Variants in ECHDC3 observed in about 807,000 individuals in gnomAD.
ECHDC3 encodes enoyl-CoA hydratase domain-containing protein 3, mitochondrial.
A neutral mutation model predicts 17.9 loss-of-function variants in ECHDC3; 20 were observed. The ratio of observed to expected loss-of-function variants is 1.12; its 90% CI spans 0.79 to 1.63. ECHDC3 has a LOEUF of 1.63. Ranked by LOEUF, ECHDC3 falls within the 40% of genes most tolerant of loss-of-function variation. ECHDC3 has a pLI of 0.00. For missense variants in ECHDC3, 407 were observed against 357.7 expected (o/e 1.14, Z -1.11); for synonymous variants, 177 against 149.7 (o/e 1.18, Z -1.33).
At chr10:11,757,792 G>A (rs1223590595) in intron 4 of ECHDC3, among the ~76,000 whole-genome samples, 1 of 152,202 alleles carries the variant, frequency 6.6e-6, no homozygotes, top group African/African-American at 2.4e-5. Flanking sequence ...CAGGCTTTTG[G>A]AACTTAATGC....
intron 3 of ECHDC3, among the ~76,000 whole-genome samples, chr10:11,753,639 G>C (rs1832852987): frequency 1.3e-5 from 2 of 152,100 alleles, no homozygotes; most frequent in African/African-American, 4.8e-5. Flanking sequence ...TCTTCCCCTT[G>C]TTATTCATTC....
chr10:11,760,842 C>G lies in ECHDC3; in HGVS notation c.592-2382C>G, dbSNP rs1832942034. 2.0e-5 allele frequency among the ~76,000 whole-genome samples: 3 copies of G among 152,344 alleles called. No homozygotes were observed. In the South Asian group the frequency reaches 6.2e-4, roughly 32 times the overall value. ...GGTCCTATTTCACAGCTGTTCACAA[C>G]AGGATCCGCTTTTTAGCTCCTGGTT... is the stretch of plus-strand genomic sequence containing the variant. On this transcript the variant is annotated intron_variant, in intron 4 of 4. Transcript: ENST00000379215.
At chr10:11,759,684 C>T (rs928087282) in intron 4 of ECHDC3, among the ~76,000 whole-genome samples, 1 of 152,146 alleles carries the variant, frequency 6.6e-6, no homozygotes, top group African/African-American at 2.4e-5. Context: ...TTTGGGTGGC[C>T]TATGAGATCC....
At chr10:11,751,035 T>TGG (rs1427860332) in intron 3 of ECHDC3, among the ~76,000 whole-genome samples, 2 of 152,226 alleles carry the variant, frequency 1.3e-5, no homozygotes, top group Admixed American at 1.3e-4. Flanking sequence ...ACCTGGGTCT[T>TGG]TCGTTTCCTA....
intron 2 of ECHDC3, among the ~76,000 whole-genome samples, chr10:11,748,930 T>C (rs1294324003): frequency 6.6e-6 from 1 of 152,226 alleles, no homozygotes; most frequent in Non-Finnish European, 1.5e-5. Flanking sequence ...GAAAATGTTA[T>C]CAGCTCATCA....
At chr10:11,743,077 G>T (rs1832715199) in intron 1 of ECHDC3, among the ~76,000 whole-genome samples, 1 of 152,204 alleles carries the variant, frequency 6.6e-6, no homozygotes, top group East Asian at 1.9e-4. Context: ...CTGCTCCTTG[G>T]CCCTCACACA....
chr10:11,762,608 G>T (rs905719702), intron 4 of ECHDC3, among the ~76,000 whole-genome samples: 1 of 152,150 alleles, frequency 6.6e-6, no homozygotes, highest in Non-Finnish European at 1.5e-5. Flanking sequence ...GGGCTCCCCC[G>T]CTCTTCACCA....
intron 4 of ECHDC3, among the ~76,000 whole-genome samples, chr10:11,762,733 ATTGT>A (rs1832968525): frequency 1.3e-5 from 2 of 152,138 alleles, no homozygotes; most frequent in Non-Finnish European, 2.9e-5. Context: ...CCCCAAAGAC[ATTGT>A]CTGTAAATCC....
At chr10:11,758,389 G>A (rs975136226) in intron 4 of ECHDC3, among the ~76,000 whole-genome samples, 3 of 152,312 alleles carry the variant, frequency 2.0e-5, no homozygotes, top group Admixed American at 2.0e-4. Context: ...TGGGAAATGA[G>A]AAGCCCTTCC....
chr10:11,754,529 C>G (rs1438121335), intron 3 of ECHDC3, among the ~76,000 whole-genome samples: 2 of 152,108 alleles, frequency 1.3e-5, no homozygotes, highest in African/African-American at 2.4e-5. Context: ...TCCCCCCACC[C>G]CCATTTTAAT....
At chr10:11,744,013 C>T (rs537317517) in intron 1 of ECHDC3, among the ~76,000 whole-genome samples, 1 of 152,342 alleles carries the variant, frequency 6.6e-6, no homozygotes, top group South Asian at 2.1e-4. Flanking sequence ...AGCAGGTGAA[C>T]TTGAGCAAGA....
At position 11,763,214 on chromosome 10, in the gene ECHDC3, C is replaced by G; in HGVS notation, c.592-10C>G. The G allele has an allele frequency of 1.3e-6, 1 of 765,870 alleles. No homozygotes were observed. Among genetic ancestry groups the G allele is most frequent in the South Asian group, 1.4e-5 (1 of 72,268 alleles). 47.4% of individuals were successfully genotyped at this position (765,870 alleles called of 1,614,324 possible). A position where few individuals can be genotyped will look rare whatever the true frequency, so the allele number is the denominator to read the frequency against. ...AGAGCACCTCAGTGACATCCCGTGT[C>G]TCCCCGTAGGTGGCCTTGGAGATGC... On this transcript the variant is annotated splice_polypyrimidine_tract_variant and intron_variant, in intron 4 of 4. Coordinates refer to ENST00000379215, the MANE Select transcript of ECHDC3 (RefSeq NM_024693.5). The surrounding 1 kb of genome is among the most constrained non-coding windows in gnomAD (Gnocchi z 4.9).
chr10:11,755,481 G>A lies in ECHDC3; in HGVS notation c.464G>A (p.Cys155Tyr). The A allele has an allele frequency of 6.2e-7, 1 of 1,614,098 alleles. No homozygotes were observed. Residue 155 changes from cysteine (C) to tyrosine (Y), a missense_variant, in exon 4 of 5, where the codon TGT becomes TAT. Transcript: ENST00000379215. Reference sequence around the variant, plus strand: ...AATGGCCTGGCCGCGGCTGCCGGCTGTCAACTGGTTGCCAGCTGCGACATT... The same window carrying A: ...AATGGCCTGGCCGCGGCTGCCGGCTATCAACTGGTTGCCAGCTGCGACATT... ...MVNGLAAAAG[C>Y]QLVASCDIAV...
chr10:11,755,659 C>T, intron 4 of ECHDC3, 51 bp downstream of exon 4: 1 of 1,510,344 alleles, frequency 6.6e-7, no homozygotes, highest in Non-Finnish European at 9.0e-7. Flanking sequence ...CTCCGGAGTT[C>T]CTCCTCCAGT....
At chr10:11,758,102 C>G (rs1461444853) in intron 4 of ECHDC3, among the ~76,000 whole-genome samples, 1 of 152,270 alleles carries the variant, frequency 6.6e-6, no homozygotes, top group Non-Finnish European at 1.5e-5. Flanking sequence ...TCACTAGTGC[C>G]CTCTCCTGGC....
chr10:11,756,810 G>A (rs917406858), intron 4 of ECHDC3, among the ~76,000 whole-genome samples: 4 of 151,258 alleles, frequency 2.6e-5, no homozygotes, highest in Non-Finnish European at 2.9e-5. Context: ...GTACAGTGGC[G>A]CTATCTCAGC....
rs869115508 is a variant in ECHDC3, at chr10:11,749,773, C to CTTTTTTT, written c.390+215_390+221dup. Reference sequence around the variant, plus strand: ...AATCCAGCAATTATTTGGTTTAGACCTTTTTTTTTTTTTTTTTTTTTTTTT... The same window carrying CTTTTTTT: ...AATCCAGCAATTATTTGGTTTAGACCTTTTTTTTTTTTTTTTTTTTTTTTTTTTTTTT... On this transcript the variant is annotated intron_variant, in intron 3 of 4. Coordinates refer to ENST00000379215, the MANE Select transcript of ECHDC3 (RefSeq NM_024693.5). 4.6e-5 allele frequency among the ~76,000 whole-genome samples: 3 copies of CTTTTTTT among 65,502 alleles called. 1 individual carries two copies. The highest frequency in any genetic ancestry group is 2.0e-4 in the African/African-American group (3 of 15,276). The allele number at this position is 65,502 out of a possible 152,430, so 43.0% of individuals were successfully genotyped here.
chr10:11,755,770 T>A, intron 4 of ECHDC3, 162 bp downstream of exon 4: 1 of 628,170 alleles, frequency 1.6e-6, no homozygotes, highest in Non-Finnish European at 2.6e-6. Context: ...TTCCCTCTAA[T>A]GGCAGGGAGG....
intron 2 of ECHDC3, among the ~76,000 whole-genome samples, chr10:11,748,883 C>G (rs1047289500): frequency 6.6e-6 from 1 of 152,188 alleles, no homozygotes; most frequent in African/African-American, 2.4e-5. Context: ...AAGACTCTGT[C>G]TCAAACAACA....
Sources: allele counts gnomAD v4.1 joint callset (sites outside exome capture counted in the v4.1 genomes callset), GRCh38; gene constraint gnomAD v4.1.1; non-coding constraint Gnocchi (gnomAD v3.1); transcripts MANE v1.5; gene names NCBI Gene and HGNC (gene_info 2026-07-23, HGNC 2026-07-21).